ST8SIA4: variants seen among roughly 807,000 people sequenced by gnomAD.
ST8SIA4 encodes ST8 alpha-N-acetyl-neuraminide alpha-2,8-sialyltransferase 4.
A neutral mutation model predicts 33.9 loss-of-function variants in ST8SIA4; 15 were observed. That is an observed-to-expected ratio of 0.44 (90% confidence interval 0.30 to 0.68). The LOEUF is 0.68. Among genes scored for constraint, ST8SIA4 ranks in the 30% least tolerant of loss-of-function variants. The pLI, the probability that ST8SIA4 is intolerant of heterozygous loss-of-function variation, is 0.10. For synonymous variants in ST8SIA4, 171 were observed against 151.2 expected, an observed-to-expected ratio of 1.13 and a Z score of -0.96; for missense variants, 321 against 428.0, an observed-to-expected ratio of 0.75 and a Z score of 2.21.
intron 4 of ST8SIA4, among the ~76,000 whole-genome samples, chr5:100,847,108 A>G (rs568255177): frequency 8.5e-5 from 13 of 152,190 alleles, no homozygotes; most frequent in African/African-American, 3.1e-4. Context: ...AAAACATTAA[A>G]CTAGGACACA....
chr5:100,877,377 G>A (rs983795277), intron 3 of ST8SIA4, among the ~76,000 whole-genome samples: 11 of 152,124 alleles, frequency 7.2e-5, no homozygotes, highest in Non-Finnish European at 1.5e-4. Flanking sequence ...AAATTCTCTG[G>A]ACCTTCTAAA....
chr5:100,842,462 G>A (rs1751489486), intron 4 of ST8SIA4, among the ~76,000 whole-genome samples: 1 of 151,714 alleles, frequency 6.6e-6, no homozygotes, highest in African/African-American at 2.4e-5. Flanking sequence ...AACAAAAGTT[G>A]ACTATTAAGA....
Position 100,870,021 on chromosome 5 carries a change from G to A in ST8SIA4, c.504-13625C>T, listed in dbSNP as rs1194795032. ...CCTCCCCCACCCCACGACAGGCCCT[G>A]GTGTGTGATGTTCCCCACCCTGTGT... On this transcript the variant is annotated intron_variant, in intron 3 of 4. Coordinates refer to ENST00000231461, the MANE Select transcript of ST8SIA4 (RefSeq NM_005668.6). Among the ~76,000 whole-genome samples, 9 of 152,158 alleles carry A rather than the reference G, an allele frequency of 5.9e-5. No individual in the cohort carries two copies. In the South Asian group the frequency reaches 1.2e-3, roughly 21 times the overall value.
intron 4 of ST8SIA4, among the ~76,000 whole-genome samples, chr5:100,818,625 T>C (rs1750978093): frequency 6.6e-6 from 1 of 152,174 alleles, no homozygotes; most frequent in African/African-American, 2.4e-5. Context: ...AGGTCAATTG[T>C]TAATTTTTTT....
At chr5:100,887,531 C>T (rs537434326) in intron 2 of ST8SIA4, among the ~76,000 whole-genome samples, 1 of 152,014 alleles carries the variant, frequency 6.6e-6, no homozygotes, top group East Asian at 1.9e-4. Context: ...TAGCCCATAC[C>T]TAATATATAA....
intron 1 of ST8SIA4, 92 bp downstream of exon 1, chr5:100,902,751 A>G (rs927190505): frequency 1.8e-6 from 2 of 1,095,036 alleles, no homozygotes; most frequent in African/African-American, 3.1e-5. Flanking sequence ...ACAAACACAC[A>G]TGCTATCCTA....
In ST8SIA4 at chr5:100,810,586, G is replaced by A. The variant is rs1200775227; in HGVS notation, c.*1261C>T. On this transcript the variant is annotated 3_prime_UTR_variant, in exon 5 of 5. Transcript: ENST00000231461. ...GAAAAACATTTCAAATGAAAATAAAGTATGAGTTTGAAAATTAAAAAATAT... is the reference window on the plus strand; with the variant it reads ...GAAAAACATTTCAAATGAAAATAAAATATGAGTTTGAAAATTAAAAAATAT... 6.6e-6 allele frequency: 1 copy of A among 152,210 alleles called. No homozygotes were observed. The highest frequency in any genetic ancestry group is 1.5e-5 in the Non-Finnish European group (1 of 68,002). The allele number at this position is 152,210 out of a possible 1,614,324, so 9.4% of individuals were successfully genotyped here. A position where few individuals can be genotyped will look rare whatever the true frequency, so the allele number is the denominator to read the frequency against.
At chr5:100,813,321 T>A (rs1473578808) in intron 4 of ST8SIA4, among the ~76,000 whole-genome samples, 9 of 152,028 alleles carry the variant, frequency 5.9e-5, no homozygotes, top group Non-Finnish European at 1.2e-4. Context: ...CTGGCCATCA[T>A]AATTCTATAT....
intron 4 of ST8SIA4, among the ~76,000 whole-genome samples, chr5:100,829,555 T>A (rs2112412837): frequency 6.6e-6 from 1 of 152,294 alleles, no homozygotes; most frequent in Admixed American, 6.5e-5. Flanking sequence ...ACAGTAGACA[T>A]AATAAAGTAC....
intron 3 of ST8SIA4, chr5:100,886,127 G>A (rs1037371507): frequency 1.3e-5 from 17 of 1,320,296 alleles, no homozygotes; most frequent in Non-Finnish European, 1.5e-5. Context: ...TGTGAATCTT[G>A]TTGCTATGAC....
At chr5:100,841,738 C>T (rs1294537300) in intron 4 of ST8SIA4, among the ~76,000 whole-genome samples, 1 of 151,826 alleles carries the variant, frequency 6.6e-6, no homozygotes, top group African/African-American at 2.4e-5. Flanking sequence ...TGTGGATAGG[C>T]ATTACTGTAA....
At chr5:100,842,919 TC>T (rs985527061) in intron 4 of ST8SIA4, among the ~76,000 whole-genome samples, 1 of 151,900 alleles carries the variant, frequency 6.6e-6, no homozygotes, top group Non-Finnish European at 1.5e-5. Flanking sequence ...TTTAATTTCA[TC>T]CAAGTTTGTA....
intron 4 of ST8SIA4, chr5:100,849,507 C>G (rs1222651041): frequency 1.0e-6 from 1 of 971,554 alleles, no homozygotes; most frequent in African/African-American, 1.8e-5. Flanking sequence ...GCTGGCTGAG[C>G]GCGGTGGCTC....
intron 4 of ST8SIA4, among the ~76,000 whole-genome samples, chr5:100,818,381 T>C (rs1219881302): frequency 2.6e-5 from 4 of 152,064 alleles, no homozygotes; most frequent in African/African-American, 9.7e-5. Flanking sequence ...TTTTCAAAGG[T>C]AAATAAGAGA....
intron 4 of ST8SIA4, among the ~76,000 whole-genome samples, chr5:100,848,359 A>T (rs972696949): frequency 1.3e-5 from 2 of 150,588 alleles, no homozygotes; most frequent in Non-Finnish European, 3.0e-5. Context: ...ATACTATTAC[A>T]TATTATATAA....
At chr5:100,869,418 C>T (rs1422788588) in intron 3 of ST8SIA4, among the ~76,000 whole-genome samples, 1 of 152,108 alleles carries the variant, frequency 6.6e-6, no homozygotes, top group Non-Finnish European at 1.5e-5. Flanking sequence ...ACAATGATAA[C>T]ATTTCACATT....
rs1432967254 is a variant in ST8SIA4 at position 100,848,995 on chromosome 5, A to G, written c.797+7108T>C. ...TAAACATTTAGATGATGTTGGGTTA[A>G]CTTAACTGTGGTGTTGAAACATGTA... On this transcript the variant is annotated intron_variant, in intron 4 of 4. Transcript: ENST00000231461. 3.3e-5 allele frequency: 14 copies of G among 424,044 alleles called. No individual in the cohort carries two copies. In the Admixed American group the frequency reaches 9.0e-4, roughly 27 times the overall value. 26.3% of individuals were successfully genotyped at this position (424,044 alleles called of 1,614,324 possible).
At chr5:100,891,047 G>T (rs530622896) in intron 2 of ST8SIA4, among the ~76,000 whole-genome samples, 1 of 151,666 alleles carries the variant, frequency 6.6e-6, no homozygotes, top group Admixed American at 6.6e-5. Flanking sequence ...GTTTTCACTC[G>T]TGAAATGTTA....
intron 1 of ST8SIA4, among the ~76,000 whole-genome samples, chr5:100,901,105 G>A (rs940203740): frequency 3.3e-5 from 5 of 152,242 alleles, no homozygotes; most frequent in African/African-American, 1.2e-4. Flanking sequence ...AGGGCCACAG[G>A]AGAAATGACA....
Sources: gnomAD v4.1 joint callset for allele counts (sites outside exome capture counted in the v4.1 genomes callset) on GRCh38, gnomAD v4.1.1 for gene constraint, MANE v1.5 for transcripts, NCBI Gene and HGNC (gene_info 2026-07-23, HGNC 2026-07-21) for gene names.